Variants in PRELID2 observed in about 807,000 individuals in gnomAD.
The protein encoded by PRELID2 is PRELI domain containing 2.
In PRELID2, 25 loss-of-function variants were observed where a neutral mutation model predicts 28.4. That is an observed-to-expected ratio of 0.88 (90% CI 0.64 to 1.23). The LOEUF (loss-of-function observed/expected upper bound fraction) is 1.23, where lower values mean the gene tolerates loss of function less well. Among genes scored for constraint, PRELID2 ranks in the 50% most tolerant of loss-of-function variants. PRELID2 has a pLI of 0.00. For missense variants in PRELID2, 201 were observed against 214.4 expected (o/e 0.94, Z 0.39); for synonymous variants, 76 against 71.6 (o/e 1.06, Z -0.31).
rs528930805 is a variant in PRELID2, at chr5:145,480,734, A to C, written n.71-7419T>G. On this transcript the variant is annotated intron_variant and non_coding_transcript_variant, in intron 1 of 2. Transcript: ENST00000510259. ...TTTTCCTCTACTCAAAGCCTCCCTG[A>C]GATCTGCTACATTTAAAAAATAAAA... Among the ~76,000 whole-genome samples, 7 of 152,262 alleles carry C rather than the reference A, an allele frequency of 4.6e-5. No homozygotes were observed. The South Asian group carries it at 1.5e-3, about 32-fold the overall frequency.
intron 5 of PRELID2, among the ~76,000 whole-genome samples, chr5:145,771,306 C>T (rs1758090713): frequency 2.6e-5 from 4 of 151,970 alleles, no homozygotes; most frequent in African/African-American, 7.2e-5. Flanking sequence ...GTAGGCTCTA[C>T]CATCTAGGTT....
intron 1 of PRELID2, among the ~76,000 whole-genome samples, chr5:145,694,482 T>A (rs1280291257): frequency 6.6e-6 from 1 of 152,176 alleles, no homozygotes; most frequent in East Asian, 1.9e-4. Flanking sequence ...ACACCATGTT[T>A]AAAAAGATGT....
chr5:145,290,487 AACT>A, the PRELID2 span, among the ~76,000 whole-genome samples: 4 of 152,072 alleles, frequency 2.6e-5, no homozygotes, highest in Admixed American at 1.3e-4. Flanking sequence ...ATTCTGAGCA[AACT>A]ATCGCAAGGA....
Position 145,705,364 on chromosome 5 carries a change from T to TG in PRELID2, n.70+59566dup, listed in dbSNP as rs371051136. Reference sequence around the variant, plus strand: ...TGCTACTATGCCCAGCTAATTTTTGTGGGTTTTTTTTGTATTTTTAGTAGA... The same window carrying TG: ...TGCTACTATGCCCAGCTAATTTTTGTGGGGTTTTTTTTGTATTTTTAGTAGA... On this transcript the variant is annotated intron_variant and non_coding_transcript_variant, in intron 1 of 2. Coordinates refer to the PRELID2 transcript ENST00000510259. 5.8e-3 allele frequency among the ~76,000 whole-genome samples: 886 copies of TG among 151,714 alleles called. 13 individuals are homozygous for TG. Among genetic ancestry groups the TG allele is most frequent in the African/African-American group, 0.021 (855 of 41,270 alleles).
the PRELID2 span, among the ~76,000 whole-genome samples, chr5:145,457,609 G>A: frequency 6.6e-6 from 1 of 152,128 alleles, no homozygotes; most frequent in Admixed American, 6.5e-5. Context: ...TGACCTGATG[G>A]GCTAGGTCAA....
chr5:145,819,004 C>T lies in PRELID2; in HGVS notation c.207+941G>A, dbSNP rs1754570441. Among the ~76,000 whole-genome samples, 6 of 152,144 alleles carry T rather than the reference C, an allele frequency of 3.9e-5. No individual in the cohort carries two copies. In the South Asian group the frequency reaches 1.0e-3, roughly 26 times the overall value. The stretch of plus-strand genomic sequence containing the variant: ...TGTTCCCATGATAGTGAATAAGTCT[C>T]ACCAGATCTGATGGTTTTATAAAGG... On this transcript the variant is annotated intron_variant, in intron 3 of 6. Coordinates refer to ENST00000683046, the MANE Select transcript of PRELID2 (RefSeq NM_205846.3).
At chr5:145,486,356 AG>A (rs1217795108) in intron 1 of PRELID2, among the ~76,000 whole-genome samples, 2 of 152,344 alleles carry the variant, frequency 1.3e-5, no homozygotes, top group African/African-American at 4.8e-5. Flanking sequence ...CGTTATCCCC[AG>A]TGTCTAGCCA....
chr5:145,795,970 C>T (rs1474383288), intron 5 of PRELID2: 2 of 152,530 alleles, frequency 1.3e-5, no homozygotes, highest in Non-Finnish European at 1.5e-5. Flanking sequence ...TAAGAGTGGA[C>T]AATTGGGGTC....
the PRELID2 span, among the ~76,000 whole-genome samples, chr5:145,411,478 T>C: frequency 6.6e-6 from 1 of 152,224 alleles, no homozygotes; most frequent in Non-Finnish European, 1.5e-5. Flanking sequence ...ATGTTTTATA[T>C]CCAAGACACA....
chr5:145,625,732 A>G (rs911052850), intron 1 of PRELID2, among the ~76,000 whole-genome samples: 1 of 152,170 alleles, frequency 6.6e-6, no homozygotes, highest in African/African-American at 2.4e-5. Context: ...CTGTCAGAAA[A>G]TGGAAAACTG....
intron 1 of PRELID2, among the ~76,000 whole-genome samples, chr5:145,553,779 A>G (rs931549814): frequency 6.6e-6 from 1 of 152,246 alleles, no homozygotes; most frequent in African/African-American, 2.4e-5. Context: ...TTTGTATTTT[A>G]GAAAAAGAAT....
the PRELID2 span, among the ~76,000 whole-genome samples, chr5:145,339,227 T>TCTA: frequency 6.6e-6 from 1 of 152,216 alleles, no homozygotes; most frequent in Non-Finnish European, 1.5e-5. Context: ...AAGTAAATTT[T>TCTA]CTAAGAGAAA....
At chr5:145,266,800 C>G in the PRELID2 span, among the ~76,000 whole-genome samples, 2 of 151,990 alleles carry the variant, frequency 1.3e-5, no homozygotes, top group Non-Finnish European at 2.9e-5. Context: ...AAATGCCCAT[C>G]AATCAATGAG....
intron 1 of PRELID2, among the ~76,000 whole-genome samples, chr5:145,630,764 C>G (rs1753921691): frequency 6.6e-6 from 1 of 152,132 alleles, no homozygotes; most frequent in Admixed American, 6.6e-5. Flanking sequence ...GTATGTGCAC[C>G]TAAGACTGAA....
the PRELID2 span, among the ~76,000 whole-genome samples, chr5:145,391,404 G>T: frequency 3.1e-4 from 47 of 152,322 alleles, 2 homozygotes; most frequent in South Asian, 9.7e-3. Context: ...TTTAGCCACT[G>T]CTAGAGATGA....
chr5:145,357,286 T>C, the PRELID2 span, among the ~76,000 whole-genome samples: 598 of 152,342 alleles, frequency 3.9e-3, 3 homozygotes, highest in Non-Finnish European at 6.7e-3. Context: ...TTGTCCTCTC[T>C]AGTGAGGTTA....
chr5:145,625,061 G>T (rs1753825544), intron 1 of PRELID2, among the ~76,000 whole-genome samples: 1 of 152,086 alleles, frequency 6.6e-6, no homozygotes, highest in Middle Eastern at 3.2e-3. Context: ...TTGATAATAT[G>T]ATATTGATGA....
intron 1 of PRELID2, among the ~76,000 whole-genome samples, chr5:145,714,314 A>G (rs1755785271): frequency 6.6e-6 from 1 of 152,140 alleles, no homozygotes; most frequent in Non-Finnish European, 1.5e-5. Flanking sequence ...AACAGGCACA[A>G]ATGCCCAAGG....
chr5:145,509,705 C>T (rs954869485), intron 1 of PRELID2, among the ~76,000 whole-genome samples: 35 of 152,192 alleles, frequency 2.3e-4, no homozygotes, highest in African/African-American at 8.4e-4. Context: ...TCTTCATCCT[C>T]CTTCATTTTG....
Sources: gnomAD v4.1 joint callset for allele counts (sites outside exome capture counted in the v4.1 genomes callset) on GRCh38, gnomAD v4.1.1 for gene constraint, MANE v1.5 for transcripts, NCBI Gene and HGNC (gene_info 2026-07-23, HGNC 2026-07-21) for gene names.